Variants in CEACAM16 observed in about 807,000 individuals in gnomAD.
CEACAM16 encodes the protein cell adhesion molecule CEACAM16.
In CEACAM16, 30 loss-of-function variants were observed where a neutral mutation model predicts 39.4. That is an observed-to-expected ratio of 0.76 (90% CI 0.57 to 1.03). The LOEUF is 1.03. CEACAM16 is among the 50% of genes least tolerant of loss of function. CEACAM16 has a pLI of 0.00. For synonymous variants in CEACAM16, 262 were observed against 264.9 expected, an observed-to-expected ratio of 0.99 and a Z score of 0.11; for missense variants, 521 against 585.3, an observed-to-expected ratio of 0.89 and a Z score of 1.13.
At chr19:44,709,483 C>T (rs1254874693) in intron 6 of CEACAM16, among the ~76,000 whole-genome samples, 1 of 140,892 alleles carries the variant, frequency 7.1e-6, no homozygotes, top group Non-Finnish European at 1.5e-5. Flanking sequence ...ACCATGTCTC[C>T]TTCATCAGAC....
At chr19:44,707,574 T>G (rs899554664) in intron 5 of CEACAM16, among the ~76,000 whole-genome samples, 6 of 152,186 alleles carry the variant, frequency 3.9e-5, no homozygotes, top group Non-Finnish European at 7.3e-5. Context: ...TCCAATCTGA[T>G]GGAGGAGACA....
chr19:44,707,959 G>T lies in CEACAM16; in HGVS notation c.1039G>T (p.Val347Phe). ...GCAGGGCTACCCCAAGGACCTGCTGGTCTACGCCTGGTACCGCGGGCCTGC... is the reference window on the plus strand; with the variant it reads ...GCAGGGCTACCCCAAGGACCTGCTGTTCTACGCCTGGTACCGCGGGCCTGC... ...TVQGYPKDLL[V>F]YAWYRGPASE... Residue 347 changes from valine to phenylalanine, a missense_variant, in exon 6 of 7, where the codon GTC (valine) becomes TTC (phenylalanine). Transcript: ENST00000587331. 1 of 1,603,984 alleles carries T rather than the reference G, an allele frequency of 6.2e-7. No homozygotes were observed. The highest frequency in any genetic ancestry group is 1.1e-5 in the South Asian group (1 of 89,490).
At position 44,705,661 on chromosome 19, in the gene CEACAM16, A is replaced by G; in HGVS notation, c.733A>G (p.Asn245Asp). Residue 245 changes from asparagine (N) to aspartate (D), a missense_variant, in exon 5 of 7, where the codon AAC (asparagine) becomes GAC (aspartate). Coordinates refer to ENST00000587331, the MANE Select transcript of CEACAM16 (RefSeq NM_001039213.4). ...RTGCTIKVDF[N>D]TSLTLWCVSR... is the part of the protein sequence containing the mutation. ...AGGCTGCACCATCAAAGTTGACTTC[A>G]ACACGTCCCTCACCCTGTGGTGCGT... The G allele has an allele frequency of 6.2e-7, 1 of 1,613,838 alleles. No individual in the cohort carries two copies. Among genetic ancestry groups the G allele is most frequent in the Non-Finnish European group, 8.5e-7 (1 of 1,179,758 alleles).
rs979461820 is a variant in CEACAM16 at position 44,703,670 on chromosome 19, G to C, written c.359G>C (p.Gly120Ala). 3.8e-6 allele frequency: 6 copies of C among 1,563,952 alleles called. No homozygotes were observed. The Admixed American group carries it at 5.4e-5, about 14-fold the overall frequency. Reference protein sequence around the residue: ...TFNRQLQTEVGYGHVQVHEIL... With the variant: ...TFNRQLQTEVAYGHVQVHEIL... ...AACAGGCAGTTGCAGACCGAGGTGG[G>C]CTACGGACACGTGCAGGTCCATGGT... Residue 120 changes from glycine (G) to alanine (A), a missense_variant, in exon 3 of 7, where the codon GGC becomes GCC. By Grantham distance (60) the Gly-to-Ala change is moderately conservative. Coordinates refer to ENST00000587331, the MANE Select transcript of CEACAM16 (RefSeq NM_001039213.4).
At position 44,703,518 on chromosome 19, in the gene CEACAM16, C is replaced by A. The variant is rs1373163454; in HGVS notation, c.207C>A (p.Ile69=). 6.2e-7 allele frequency: 1 copy of A among 1,613,666 alleles called. No individual in the cohort carries two copies. The highest frequency in any genetic ancestry group is 2.2e-5 in the East Asian group (1 of 44,870). ...LSVSYLVASY[I]VSTGDETPGP... is the part of the protein sequence containing the mutation. Reference sequence around the variant, plus strand: ...TGTCATACCTGGTGGCCAGCTACATCGTGAGCACAGGCGATGAGACTCCTG... The same window carrying A: ...TGTCATACCTGGTGGCCAGCTACATAGTGAGCACAGGCGATGAGACTCCTG... The change falls in exon 3 of 7, where the codon ATC becomes ATA. Residue 69 remains isoleucine (I), a synonymous_variant. Coordinates refer to ENST00000587331, the MANE Select transcript of CEACAM16 (RefSeq NM_001039213.4).
intron 1 of CEACAM16, among the ~76,000 whole-genome samples, chr19:44,700,129 T>A (rs1478437183): frequency 6.6e-6 from 1 of 152,066 alleles, no homozygotes; most frequent in African/African-American, 2.4e-5. Flanking sequence ...CCTCAGCCTC[T>A]CGAGTAGCTG....
At chr19:44,707,794 G>T (rs925507882) in intron 5 of CEACAM16, 67 bp from the exon 6 acceptor site, 2 of 1,372,592 alleles carry the variant, frequency 1.5e-6, no homozygotes, top group Admixed American at 2.8e-5. Context: ...AGGCCAGCAA[G>T]GGTTGGGAAG....
chr19:44,708,178 C>T lies in CEACAM16; in HGVS notation c.1258C>T (p.Gln420Ter). Residue 420 changes from glutamine to a stop codon, truncating the protein, a stop_gained, in exon 6 of 7, where the codon CAG (glutamine) becomes TAG (stop). Transcript: ENST00000587331. LOFTEE classifies it high-confidence loss of function. ...GACTGAGACACTGGAAGTGGAGCTG[C>T]AGGTGGCCCGTGAGTGTGTGGGAAG... ...GKTETLEVELQVAPLG is the reference protein window; with the variant it reads ...GKTETLEVEL 1 of 1,570,544 alleles carries T rather than the reference C, an allele frequency of 6.4e-7. No individual in the cohort carries two copies. Among genetic ancestry groups the T allele is most frequent in the Non-Finnish European group, 8.7e-7 (1 of 1,150,930 alleles).
intron 4 of CEACAM16, among the ~76,000 whole-genome samples, chr19:44,704,759 A>C (rs2965168): frequency 2.0e-4 from 24 of 117,096 alleles, no homozygotes; most frequent in African/African-American, 2.8e-4. Context: ...AAACAAAAAA[A>C]AACAACAACA....
rs1207336134 is a variant in CEACAM16 at position 44,707,978 on chromosome 19, G to T, written c.1058G>T (p.Gly353Val). ...CTGCTGGTCTACGCCTGGTACCGCG[G>T]GCCTGCCTCCGAGCCCAACCGGCTG... ...KDLLVYAWYR[G>V]PASEPNRLLS... The change falls in exon 6 of 7, where the codon GGG becomes GTG. Residue 353 changes from glycine (G) to valine (V), a missense_variant. Gly to Val is a moderately radical substitution (Grantham distance 109). Transcript: ENST00000587331. 4 of 1,604,842 alleles carry T rather than the reference G, an allele frequency of 2.5e-6. No individual in the cohort carries two copies. The African/African-American group carries it at 4.0e-5, about 16-fold the overall frequency.
Position 44,703,535 on chromosome 19 carries a change from A to G in CEACAM16, c.224A>G (p.Glu75Gly). The G allele has an allele frequency of 2.5e-6, 4 of 1,613,558 alleles. No individual in the cohort carries two copies. The highest frequency in any genetic ancestry group is 3.4e-6 in the Non-Finnish European group (4 of 1,179,832). Reference sequence around the variant, plus strand: ...AGCTACATCGTGAGCACAGGCGATGAGACTCCTGGCCCGGCCCACACGGGG... The same window carrying G: ...AGCTACATCGTGAGCACAGGCGATGGGACTCCTGGCCCGGCCCACACGGGG... ...VASYIVSTGDETPGPAHTGRE... is the reference protein window; with the variant it reads ...VASYIVSTGDGTPGPAHTGRE... Residue 75 changes from glutamate (E) to glycine (G), a missense_variant, in exon 3 of 7, where the codon GAG becomes GGG. Coordinates refer to ENST00000587331, the MANE Select transcript of CEACAM16 (RefSeq NM_001039213.4).
In CEACAM16 at chr19:44,707,976, C is replaced by A; in HGVS notation, c.1056C>A (p.Arg352=). 1.2e-6 allele frequency: 2 copies of A among 1,604,126 alleles called. No homozygotes were observed. Among genetic ancestry groups the A allele is most frequent in the Non-Finnish European group, 1.7e-6 (2 of 1,175,924 alleles). ...PKDLLVYAWY[R]GPASEPNRLL... is the part of the protein sequence containing the mutation. The stretch of plus-strand genomic sequence containing the variant: ...ACCTGCTGGTCTACGCCTGGTACCG[C>A]GGGCCTGCCTCCGAGCCCAACCGGC... Residue 352 remains arginine, a synonymous_variant, in exon 6 of 7, where the codon CGC becomes CGA. Transcript: ENST00000587331.
In CEACAM16 at chr19:44,704,139, T is replaced by C. The variant is rs1974400498; in HGVS notation, c.504T>C (p.Gly168=). The C allele has an allele frequency of 6.3e-7, 1 of 1,594,838 alleles. No homozygotes were observed. The highest frequency in any genetic ancestry group is 8.5e-7 in the Non-Finnish European group (1 of 1,172,120). ...CCGAGGTCCGCTGGTTCTTCAACGG[T>C]GGGGCCCTGCCCGTCGCTCTCCGCC... ...PTAEVRWFFN[G]GALPVALRLG... is the part of the protein sequence containing the mutation. The change falls in exon 4 of 7, where the codon GGT becomes GGC. Residue 168 remains glycine, a synonymous_variant. Transcript: ENST00000587331.
intron 2 of CEACAM16, 105 bp from the exon 3 acceptor site, chr19:44,703,244 G>T (rs1030391315): frequency 2.0e-6 from 2 of 1,004,390 alleles, no homozygotes; most frequent in Admixed American, 5.4e-5. Context: ...TTTACACAGA[G>T]GACACTGGGC....
Position 44,710,401 on chromosome 19 carries a change from G to A in CEACAM16, c.1268-95G>A, listed in dbSNP as rs1274248508. 7 of 1,411,650 alleles carry A rather than the reference G, an allele frequency of 5.0e-6. No homozygotes were observed. The South Asian group carries it at 9.2e-5, about 19-fold the overall frequency. 87.4% of individuals were successfully genotyped at this position (1,411,650 alleles called of 1,614,324 possible). ...GGATTGGGCCACTGGGTGGCCCGGG[G>A]TGGGCAGGGGAGCAGAAGGGGTGGG... On this transcript the variant is annotated intron_variant, in intron 6 of 6. Coordinates refer to ENST00000587331, the MANE Select transcript of CEACAM16 (RefSeq NM_001039213.4).
In CEACAM16 at chr19:44,703,547, C is replaced by T. The variant is rs774712405; in HGVS notation, c.236C>T (p.Pro79Leu). ...IVSTGDETPGPAHTGREAVRP... is the reference protein window; with the variant it reads ...IVSTGDETPGLAHTGREAVRP... The stretch of plus-strand genomic sequence containing the variant: ...AGCACAGGCGATGAGACTCCTGGCC[C>T]GGCCCACACGGGGCGGGAGGCTGTG... Residue 79 changes from proline (P) to leucine (L), a missense_variant, in exon 3 of 7, where the codon CCG becomes CTG. By Grantham distance (98) the Pro-to-Leu change is moderately conservative. Transcript: ENST00000587331. 7.4e-6 allele frequency: 12 copies of T among 1,613,070 alleles called. No homozygotes were observed. Among genetic ancestry groups the T allele is most frequent in the Admixed American group, 3.3e-5 (2 of 59,948 alleles).
At position 44,701,526 on chromosome 19, in the gene CEACAM16, C is replaced by T. The variant is rs1030788716; in HGVS notation, c.37+33C>T. 3 of 1,552,408 alleles carry T rather than the reference C, an allele frequency of 1.9e-6. No homozygotes were observed. Among genetic ancestry groups the T allele is most frequent in the South Asian group, 2.4e-5 (2 of 84,270 alleles). On this transcript the variant is annotated intron_variant, in intron 2 of 6. Transcript: ENST00000587331. The surrounding 1 kb of genome is among the most constrained non-coding windows in gnomAD (Gnocchi z 4.0). Reference sequence around the variant, plus strand: ...AGAATGGCACCCCCCAGCACCTCAGCCCCCCGAGGACCCCAGGGAGGGGAG... The same window carrying T: ...AGAATGGCACCCCCCAGCACCTCAGTCCCCCGAGGACCCCAGGGAGGGGAG...
chr19:44,705,926 G>A (rs1404951370), intron 5 of CEACAM16, 58 bp downstream of exon 5: 23 of 1,553,932 alleles, frequency 1.5e-5, no homozygotes, highest in East Asian at 9.0e-5. Flanking sequence ...ATCAGGCTGC[G>A]AAGGTTAAGC....
intron 6 of CEACAM16, 120 bp downstream of exon 6, chr19:44,708,307 C>A: frequency 9.5e-7 from 1 of 1,057,468 alleles, no homozygotes; most frequent in Non-Finnish European, 1.3e-6. Context: ...CATCCCCCAT[C>A]AGGCTGAAGG....
Sources: gnomAD v4.1 joint callset for allele counts (sites outside exome capture counted in the v4.1 genomes callset) on GRCh38, gnomAD v4.1.1 for gene constraint, Gnocchi (gnomAD v3.1) non-coding constraint, MANE v1.5 for transcripts, NCBI Gene and HGNC (gene_info 2026-07-23, HGNC 2026-07-21) for gene names.